The following DAB2IP variants were observed in gnomAD, a reference collection of about 807,000 sequenced individuals.
DAB2IP encodes DAB2 interacting protein, also known as disabled homolog 2-interacting protein.
Under a neutral mutation model 107.2 loss-of-function variants are expected in DAB2IP, and 28 were observed. The observed-to-expected ratio is 0.26, with a 90% CI of 0.19 to 0.36. DAB2IP has a LOEUF of 0.36. Ranked by LOEUF, DAB2IP falls within the 10% of genes least tolerant of loss-of-function variation. The pLI, the probability that DAB2IP is intolerant of heterozygous loss-of-function variation, is 1.00. For synonymous variants in DAB2IP, 755 were observed against 706.4 expected (o/e 1.07, Z -1.09); for missense variants, 1,400 against 1,644.7 (o/e 0.85, Z 2.57).
chr9:121,714,512 A>G (rs1830493212), intron 3 of DAB2IP, among the ~76,000 whole-genome samples: 1 of 152,182 alleles, frequency 6.6e-6, no homozygotes, highest in African/African-American at 2.4e-5. Context: ...CACCGATTCA[A>G]ATATTATAGA....
intron 14 of DAB2IP, among the ~76,000 whole-genome samples, chr9:121,780,171 C>CA (rs1835504556): frequency 6.6e-6 from 1 of 152,216 alleles, no homozygotes; most frequent in African/African-American, 2.4e-5. Flanking sequence ...TAGGCGTGAG[C>CA]CAATGTGCCC....
chr9:121,719,328 T>C (rs1255376049), intron 3 of DAB2IP, among the ~76,000 whole-genome samples: 1 of 152,148 alleles, frequency 6.6e-6, no homozygotes, highest in Non-Finnish European at 1.5e-5. Flanking sequence ...GGGCCATCTC[T>C]CAAGGAATCC....
At chr9:121,677,802 C>T (rs1036764203) in intron 1 of DAB2IP, among the ~76,000 whole-genome samples, 4 of 152,064 alleles carry the variant, frequency 2.6e-5, no homozygotes, top group Admixed American at 2.0e-4. Context: ...GCTAGGACTA[C>T]AGGCACACAA....
At chr9:121,640,974 TGACAG>T (rs1041185365) in intron 1 of DAB2IP, among the ~76,000 whole-genome samples, 1 of 152,190 alleles carries the variant, frequency 6.6e-6, no homozygotes, top group Non-Finnish European at 1.5e-5. Context: ...AAGCCTTTGG[TGACAG>T]GCTAAAGGGT....
Position 121,707,385 on chromosome 9 carries a change from G to A in DAB2IP, c.362+7927G>A, listed in dbSNP as rs571837020. Among the ~76,000 whole-genome samples, 35 of 152,238 alleles carry A rather than the reference G, an allele frequency of 2.3e-4. 1 individual carries two copies. In the South Asian group the frequency reaches 6.4e-3, roughly 28 times the overall value. ...CAGGTGGGGCTAGTGGTACATTACTGCATCAGATGCTCTGCCGAGTGAGTT... is the reference window on the plus strand; with the variant it reads ...CAGGTGGGGCTAGTGGTACATTACTACATCAGATGCTCTGCCGAGTGAGTT... On this transcript the variant is annotated intron_variant, in intron 3 of 15. Transcript: ENST00000408936.
chr9:121,758,176 C>T (rs189403398), intron 4 of DAB2IP, among the ~76,000 whole-genome samples: 41 of 152,272 alleles, frequency 2.7e-4, no homozygotes, highest in African/African-American at 8.2e-4. Flanking sequence ...TGCAGAGACC[C>T]GGGTCTGCTG....
chr9:121,642,029 C>CTCTTTCTTTCTTTCTTTCTTTCTTTCTT lies in DAB2IP; in HGVS notation c.41-36621_41-36594dup, dbSNP rs1156645580. Among the ~76,000 whole-genome samples the CTCTTTCTTTCTTTCTTTCTTTCTTTCTT allele has an allele frequency of 3.6e-3, 95 of 26,420 alleles. 1 individual carries two copies. The highest frequency in any genetic ancestry group is 0.019 in the Middle Eastern group (1 of 54). The allele number at this position is 26,420 out of a possible 152,430, so 17.3% of individuals were successfully genotyped here. On this transcript the variant is annotated intron_variant, in intron 1 of 16. Coordinates refer to the DAB2IP transcript ENST00000259371. ...TCTCTCTCTCTCTCTCTCTCTCTCTCTCTTTCTTTCTTTCTTTCTTTCTTT... is the reference window on the plus strand; with the variant it reads ...TCTCTCTCTCTCTCTCTCTCTCTCTCTCTTTCTTTCTTTCTTTCTTTCTTTCTTTCTTTCTTTCTTTCTTTCTTTCTTT...
intron 2 of DAB2IP, among the ~76,000 whole-genome samples, chr9:121,685,816 G>A (rs1828850107): frequency 6.6e-6 from 1 of 152,250 alleles, no homozygotes; most frequent in Non-Finnish European, 1.5e-5. Context: ...GCAGGTGAAG[G>A]GGAAAGGACA....
chr9:121,569,909 C>A (rs1230698080), intron 1 of DAB2IP, among the ~76,000 whole-genome samples: 1 of 152,114 alleles, frequency 6.6e-6, no homozygotes, highest in East Asian at 1.9e-4. Flanking sequence ...TCTGTCTTAG[C>A]CTCCTGAATA....
chr9:121,686,519 C>T (rs1031131206), intron 2 of DAB2IP, among the ~76,000 whole-genome samples: 1 of 152,228 alleles, frequency 6.6e-6, no homozygotes, highest in Non-Finnish European at 1.5e-5. Context: ...CAGTAACTGG[C>T]GAGTGGAATG....
chr9:121,588,102 C>T (rs377432342), intron 1 of DAB2IP, among the ~76,000 whole-genome samples: 7 of 152,276 alleles, frequency 4.6e-5, no homozygotes, highest in East Asian at 1.9e-4. Flanking sequence ...TCATGCACTA[C>T]GGTGATTACT....
intron 1 of DAB2IP, among the ~76,000 whole-genome samples, chr9:121,601,906 G>GCA (rs1830695545): frequency 6.9e-6 from 1 of 145,708 alleles, no homozygotes; most frequent in African/African-American, 2.5e-5. Flanking sequence ...GTGTGTGTGT[G>GCA]CGCGTGCGTG....
At chr9:121,673,892 A>T (rs927157781) in intron 1 of DAB2IP, among the ~76,000 whole-genome samples, 2 of 152,144 alleles carry the variant, frequency 1.3e-5, no homozygotes, top group Non-Finnish European at 2.9e-5. Flanking sequence ...CATCAGCTCC[A>T]TGGGTGACTC....
At chr9:121,692,585 G>T (rs1232192946) in intron 2 of DAB2IP, among the ~76,000 whole-genome samples, 1 of 152,176 alleles carries the variant, frequency 6.6e-6, no homozygotes, top group African/African-American at 2.4e-5. Context: ...TTCTTTGTTT[G>T]ACTTAAGTAG....
chr9:121,728,479 C>G (rs1831353204), intron 3 of DAB2IP, among the ~76,000 whole-genome samples: 1 of 152,190 alleles, frequency 6.6e-6, no homozygotes, highest in African/African-American at 2.4e-5. Flanking sequence ...ACTGGGTTTT[C>G]TCAGATGTAA....
At chr9:121,711,438 C>T (rs1830331844) in intron 3 of DAB2IP, among the ~76,000 whole-genome samples, 1 of 152,192 alleles carries the variant, frequency 6.6e-6, no homozygotes, top group Admixed American at 6.5e-5. Context: ...AGATGAAAGG[C>T]CCTGAGAGGT....
intron 1 of DAB2IP, among the ~76,000 whole-genome samples, chr9:121,641,921 C>CTTTA (rs1434930076): frequency 7.3e-6 from 1 of 136,258 alleles, no homozygotes; most frequent in African/African-American, 2.8e-5. Flanking sequence ...TTCTTTCTTT[C>CTTTA]TTTCTTTCTT....
chr9:121,718,442 A>T (rs1304946508), intron 3 of DAB2IP, among the ~76,000 whole-genome samples: 1 of 152,170 alleles, frequency 6.6e-6, no homozygotes, highest in Non-Finnish European at 1.5e-5. Flanking sequence ...TGCAGGGACA[A>T]CAAAACCCGA....
intron 1 of DAB2IP, among the ~76,000 whole-genome samples, chr9:121,660,966 G>A (rs531245860): frequency 1.6e-4 from 24 of 152,280 alleles, no homozygotes; most frequent in South Asian, 1.2e-3. Flanking sequence ...TGACACCCAC[G>A]AAGGAGAAGT....
Sources: gnomAD v4.1 joint callset for allele counts (sites outside exome capture counted in the v4.1 genomes callset) on GRCh38, gnomAD v4.1.1 for gene constraint, MANE v1.5 for transcripts, NCBI Gene and HGNC (gene_info 2026-07-23, HGNC 2026-07-21) for gene names.